PAX3: variants seen among roughly 807,000 people sequenced by gnomAD.
The protein encoded by PAX3 is paired box 3, also known as paired box protein Pax-3.
Under a neutral mutation model 51.6 loss-of-function variants are expected in PAX3, and 14 were observed. That is an observed-to-expected ratio of 0.27 (90% CI 0.18 to 0.42). The LOEUF (loss-of-function observed/expected upper bound fraction) is 0.42, where lower values mean the gene tolerates loss of function less well. PAX3 is among the 10% of genes least tolerant of loss of function. PAX3 has a pLI of 1.00. For missense variants in PAX3, 540 were observed against 642.8 expected (o/e 0.84, Z 1.73); for synonymous variants, 280 against 253.4 (o/e 1.11, Z -1.00).
At chr2:222,256,600 A>G (rs756591141) in intron 4 of PAX3, among the ~76,000 whole-genome samples, 1 of 152,210 alleles carries the variant, frequency 6.6e-6, no homozygotes, top group Non-Finnish European at 1.5e-5. Flanking sequence ...ACTTTTCATT[A>G]CCAGCAGTCT....
At chr2:222,206,797 C>T (rs913362450) in intron 7 of PAX3, among the ~76,000 whole-genome samples, 8 of 152,090 alleles carry the variant, frequency 5.3e-5, no homozygotes, top group Non-Finnish European at 1.0e-4. Context: ...TTTGTCTTGG[C>T]ACAAGCATTA....
intron 1 of PAX3, among the ~76,000 whole-genome samples, chr2:222,297,760 CAG>C (rs1476125286): frequency 4.6e-5 from 7 of 152,342 alleles, no homozygotes; most frequent in Admixed American, 2.0e-4. Context: ...CATCTTGGGA[CAG>C]AGACCACAGC....
chr2:222,293,362 G>T (rs75650435), intron 4 of PAX3, among the ~76,000 whole-genome samples: 2,008 of 152,134 alleles, frequency 0.013, 49 homozygotes, highest in African/African-American at 0.046. Context: ...TTTTGCGTTT[G>T]TACCCTTAAA....
At chr2:222,234,356 C>T (rs1692720266) in intron 4 of PAX3, among the ~76,000 whole-genome samples, 1 of 152,090 alleles carries the variant, frequency 6.6e-6, no homozygotes, top group African/African-American at 2.4e-5. Flanking sequence ...GAAAACTAGA[C>T]TTTCTCTAGC....
intron 4 of PAX3, among the ~76,000 whole-genome samples, chr2:222,259,417 A>G (rs1693762364): frequency 6.6e-6 from 1 of 152,226 alleles, no homozygotes; most frequent in Non-Finnish European, 1.5e-5. Context: ...CAAAACAAAT[A>G]AGCACTTTAC....
Position 222,201,414 on chromosome 2 carries a change from G to T in PAX3, c.1449C>A (p.Ile483=). 6.2e-7 allele frequency: 1 copy of T among 1,613,864 alleles called. No individual in the cohort carries two copies. The highest frequency in any genetic ancestry group is 1.3e-5 in the African/African-American group (1 of 74,948). The stretch of plus-strand genomic sequence containing the variant: ...CTCCAAGTGGACAGTTCACTTACGC[G>T]ATATCTGGCTTGAGATAATGAAAGG... ...QSAFHYLKPD[I]A is the part of the protein sequence containing the mutation. Residue 483 remains isoleucine, a synonymous_variant, in exon 9 of 9, where the codon ATC becomes ATA. Coordinates refer to ENST00000392070, the MANE Select transcript of PAX3 (RefSeq NM_181458.4).
intron 5 of PAX3, among the ~76,000 whole-genome samples, chr2:222,229,573 C>CT (rs1692509835): frequency 6.6e-6 from 1 of 152,134 alleles, no homozygotes; most frequent in Non-Finnish European, 1.5e-5. Context: ...CCCACTGCCA[C>CT]TACCTATCTC....
intron 4 of PAX3, among the ~76,000 whole-genome samples, chr2:222,249,658 C>A (rs1693353096): frequency 6.6e-6 from 1 of 152,192 alleles, no homozygotes; most frequent in South Asian, 2.1e-4. Context: ...CCACGTGACA[C>A]ATTGTAAGGG....
chr2:222,235,626 G>T (rs575849372), intron 4 of PAX3, among the ~76,000 whole-genome samples: 39 of 152,110 alleles, frequency 2.6e-4, no homozygotes, highest in African/African-American at 9.4e-4. Context: ...TCAGAATTTG[G>T]GACAGTACAC....
chr2:222,242,939 C>T (rs560509280), intron 4 of PAX3, among the ~76,000 whole-genome samples: 1 of 152,246 alleles, frequency 6.6e-6, no homozygotes, highest in South Asian at 2.1e-4. Flanking sequence ...CTGTTGTGTG[C>T]ATATGTTGTT....
intron 7 of PAX3, among the ~76,000 whole-genome samples, chr2:222,203,723 T>G (rs1373306868): frequency 2.6e-5 from 4 of 152,124 alleles, no homozygotes; most frequent in Admixed American, 1.3e-4. Context: ...TAATTCCCTT[T>G]GGGAAGGGTT....
At chr2:222,229,809 A>C (rs1000858548) in intron 5 of PAX3, among the ~76,000 whole-genome samples, 1 of 152,206 alleles carries the variant, frequency 6.6e-6, no homozygotes, top group Non-Finnish European at 1.5e-5. Context: ...GCCTCTGCTC[A>C]TATAATTCCC....
At chr2:222,269,674 GTACT>G (rs1185635275) in intron 4 of PAX3, among the ~76,000 whole-genome samples, 6 of 148,988 alleles carry the variant, frequency 4.0e-5, no homozygotes, top group Non-Finnish European at 4.5e-5. Context: ...AAAAAAAGTC[GTACT>G]TAATCAGCAA....
At chr2:222,255,209 T>C (rs1194662373) in intron 4 of PAX3, among the ~76,000 whole-genome samples, 1 of 152,198 alleles carries the variant, frequency 6.6e-6, no homozygotes, top group African/African-American at 2.4e-5. Flanking sequence ...TGTGCAGCCT[T>C]CAAAAATGTG....
intron 4 of PAX3, among the ~76,000 whole-genome samples, chr2:222,247,137 A>G (rs779518444): frequency 3.3e-5 from 5 of 152,178 alleles, no homozygotes; most frequent in Admixed American, 6.6e-5. Context: ...TTGTCCTTAC[A>G]GCATCCCTCC....
chr2:222,220,289 T>C lies in PAX3; in HGVS notation c.1024A>G (p.Ser342Gly). ...QPLPPSTVHQ[S>G]TIPSNPDSSS... Reference sequence around the variant, plus strand: ...CTGTCTGGGTTGGAAGGAATCGTGCTTTGGTGTACAGTGCTTGGAGGAAGC... The same window carrying C: ...CTGTCTGGGTTGGAAGGAATCGTGCCTTGGTGTACAGTGCTTGGAGGAAGC... The change falls in exon 7 of 9, where the codon AGC becomes GGC. Residue 342 changes from serine (S) to glycine (G), a missense_variant. Ser to Gly is a moderately conservative substitution (Grantham distance 56). Transcript: ENST00000392070. 6.2e-7 allele frequency: 1 copy of C among 1,614,056 alleles called. No homozygotes were observed. The highest frequency in any genetic ancestry group is 8.5e-7 in the Non-Finnish European group (1 of 1,179,962).
At chr2:222,289,102 C>A (rs373594223) in intron 4 of PAX3, among the ~76,000 whole-genome samples, 1 of 152,184 alleles carries the variant, frequency 6.6e-6, no homozygotes, top group Non-Finnish European at 1.5e-5. Flanking sequence ...TGCTTAATTG[C>A]CTTTTAGTGT....
At chr2:222,204,389 T>C (rs1691425606) in intron 7 of PAX3, among the ~76,000 whole-genome samples, 1 of 152,236 alleles carries the variant, frequency 6.6e-6, no homozygotes, top group African/African-American at 2.4e-5. Flanking sequence ...TATTTGAGCT[T>C]ATATAGATGA....
intron 7 of PAX3, among the ~76,000 whole-genome samples, chr2:222,216,305 C>CA (rs1691957062): frequency 6.6e-6 from 1 of 152,178 alleles, no homozygotes; most frequent in African/African-American, 2.4e-5. Flanking sequence ...GCCTTGGCCT[C>CA]AGTTTTCCAA....
Sources: allele counts gnomAD v4.1 joint callset (sites outside exome capture counted in the v4.1 genomes callset), GRCh38; gene constraint gnomAD v4.1.1; transcripts MANE v1.5; gene names NCBI Gene and HGNC (gene_info 2026-07-23, HGNC 2026-07-21).